The following IQCM variants were observed in gnomAD, a reference collection of about 807,000 sequenced individuals.
The protein encoded by IQCM is IQ motif containing M, also known as IQ domain-containing protein M.
IQCM carries 45 observed loss-of-function variants against 57.6 expected under a neutral mutation model. The ratio of observed to expected loss-of-function variants is 0.78; its 90% CI spans 0.62 to 1.00. IQCM has a LOEUF of 1.00. IQCM is among the 50% of genes least tolerant of loss of function. The pLI, the probability that IQCM is intolerant of heterozygous loss-of-function variation, is 0.00. For missense variants in IQCM, 468 were observed against 511.6 expected, an observed-to-expected ratio of 0.91 and a Z score of 0.82; for synonymous variants, 148 against 158.9, an observed-to-expected ratio of 0.93 and a Z score of 0.51.
chr4:149,657,816 C>T (rs1171976983), intron 7 of IQCM, among the ~76,000 whole-genome samples: 2 of 151,696 alleles, frequency 1.3e-5, no homozygotes, highest in Admixed American at 6.6e-5. Flanking sequence ...TTGAGAAATG[C>T]CTATTAAGGT....
intron 2 of IQCM, among the ~76,000 whole-genome samples, chr4:149,744,496 C>T (rs1561225386): frequency 6.6e-6 from 1 of 152,120 alleles, no homozygotes; most frequent in Non-Finnish European, 1.5e-5. Flanking sequence ...TGTCAGCCTG[C>T]ATTAAATTGG....
intron 13 of IQCM, among the ~76,000 whole-genome samples, chr4:149,410,336 T>C (rs549658399): frequency 2.0e-5 from 3 of 152,062 alleles, no homozygotes; most frequent in African/African-American, 7.2e-5. Flanking sequence ...CATATTTATA[T>C]AGCAAACAAG....
intron 7 of IQCM, among the ~76,000 whole-genome samples, chr4:149,652,161 T>A (rs1759244124): frequency 6.6e-6 from 1 of 152,104 alleles, no homozygotes; most frequent in Non-Finnish European, 1.5e-5. Flanking sequence ...GGGACATGGA[T>A]GAAGCTCAAA....
At chr4:149,770,126 T>TA (rs922878522) in intron 2 of IQCM, among the ~76,000 whole-genome samples, 43 of 147,338 alleles carry the variant, frequency 2.9e-4, no homozygotes, top group Middle Eastern at 3.9e-3. Context: ...GAAGACACAA[T>TA]AAAAAAAGGG....
intron 12 of IQCM, among the ~76,000 whole-genome samples, chr4:149,520,060 T>C (rs2149828272): frequency 6.6e-6 from 1 of 152,200 alleles, no homozygotes; most frequent in Middle Eastern, 3.4e-3. Flanking sequence ...CATTAAACAA[T>C]ATGTAGTACA....
intron 12 of IQCM, among the ~76,000 whole-genome samples, chr4:149,522,943 C>T (rs936908301): frequency 2.6e-5 from 4 of 152,110 alleles, no homozygotes; most frequent in Non-Finnish European, 5.9e-5. Flanking sequence ...ACTATGATAT[C>T]TTAGTCAGCT....
chr4:149,434,160 A>G (rs1279059530), intron 12 of IQCM, among the ~76,000 whole-genome samples: 1 of 152,060 alleles, frequency 6.6e-6, no homozygotes, highest in African/African-American at 2.4e-5. Flanking sequence ...TTCCTTTTAC[A>G]TGTACAAACT....
At chr4:149,702,869 C>A (rs1190671295) in intron 5 of IQCM, among the ~76,000 whole-genome samples, 1 of 151,888 alleles carries the variant, frequency 6.6e-6, no homozygotes, top group Admixed American at 6.6e-5. Context: ...CTGCTCTTAA[C>A]AGAGAAACAA....
chr4:149,769,678 G>C (rs1770387194), intron 2 of IQCM, among the ~76,000 whole-genome samples: 1 of 151,798 alleles, frequency 6.6e-6, no homozygotes, highest in Non-Finnish European at 1.5e-5. Context: ...AATATTGCCA[G>C]GGATAAAAAA....
At chr4:149,352,969 A>G (rs1383757788) in intron 13 of IQCM, among the ~76,000 whole-genome samples, 1 of 152,186 alleles carries the variant, frequency 6.6e-6, no homozygotes. Context: ...AGTTAAAATT[A>G]TAAGAAGAAT....
chr4:149,764,383 A>C (rs1272761414), intron 2 of IQCM, among the ~76,000 whole-genome samples: 5 of 152,208 alleles, frequency 3.3e-5, no homozygotes, highest in Admixed American at 3.3e-4. Flanking sequence ...CTTTTCATCT[A>C]TTCTTCTGAG....
chr4:149,797,989 T>C (rs1195520771), intron 2 of IQCM, among the ~76,000 whole-genome samples: 1 of 151,804 alleles, frequency 6.6e-6, no homozygotes, highest in Non-Finnish European at 1.5e-5. Flanking sequence ...TAAATCATCA[T>C]CTAAAGGTAC....
intron 8 of IQCM, among the ~76,000 whole-genome samples, chr4:149,589,858 T>C (rs1386572435): frequency 6.6e-6 from 1 of 152,060 alleles, no homozygotes; most frequent in Non-Finnish European, 1.5e-5. Context: ...CCTCAAGATG[T>C]TCCGTGACAC....
chr4:149,355,906 T>C (rs1427380649), intron 13 of IQCM, among the ~76,000 whole-genome samples: 1 of 152,078 alleles, frequency 6.6e-6, no homozygotes, highest in Non-Finnish European at 1.5e-5. Context: ...CCAGCACCTG[T>C]TGTTTCCTGA....
At chr4:149,463,176 T>A (rs1282277218) in intron 12 of IQCM, among the ~76,000 whole-genome samples, 1 of 152,182 alleles carries the variant, frequency 6.6e-6, no homozygotes. Flanking sequence ...GGTTCTCCAA[T>A]GAAAATCTGA....
intron 11 of IQCM, among the ~76,000 whole-genome samples, chr4:149,551,476 C>T (rs1237436674): frequency 2.6e-5 from 4 of 152,012 alleles, no homozygotes; most frequent in Admixed American, 2.0e-4. Context: ...AAATAAGCAA[C>T]ATTCCATAAC....
intron 12 of IQCM, among the ~76,000 whole-genome samples, chr4:149,444,452 A>G (rs182847045): frequency 3.9e-5 from 6 of 152,086 alleles, no homozygotes; most frequent in Middle Eastern, 3.4e-3. Context: ...TCCTGGAAAT[A>G]TAAGACAACT....
chr4:149,534,755 T>G (rs887003263), intron 12 of IQCM, among the ~76,000 whole-genome samples: 1 of 152,124 alleles, frequency 6.6e-6, no homozygotes, highest in Non-Finnish European at 1.5e-5. Flanking sequence ...CTGTATTCCA[T>G]GTTGATTTCA....
chr4:149,411,735 AT>A (rs1240233614), intron 13 of IQCM, among the ~76,000 whole-genome samples: 1 of 152,154 alleles, frequency 6.6e-6, no homozygotes, highest in African/African-American at 2.4e-5. Context: ...ATTATTAGGT[AT>A]TTTTAATTGG....
Sources: gnomAD v4.1 joint callset for allele counts (sites outside exome capture counted in the v4.1 genomes callset) on GRCh38, gnomAD v4.1.1 for gene constraint, MANE v1.5 for transcripts, NCBI Gene and HGNC (gene_info 2026-07-23, HGNC 2026-07-21) for gene names.